MYO16: variants seen among roughly 807,000 people sequenced by gnomAD.
MYO16 encodes the protein myosin XVI, also known as unconventional myosin-XVI.
MYO16 carries 94 observed loss-of-function variants against 205.3 expected under a neutral mutation model. The ratio of observed to expected loss-of-function variants is 0.46; its 90% CI spans 0.39 to 0.54. The LOEUF (loss-of-function observed/expected upper bound fraction) is 0.54. Among genes scored for constraint, MYO16 ranks in the 20% least tolerant of loss-of-function variants. The pLI is 0.00. For missense variants in MYO16, 2,315 were observed against 2,387.5 expected (o/e 0.97, Z 0.63); for synonymous variants, 988 against 954.0 (o/e 1.04, Z -0.66).
intron 4 of MYO16, among the ~76,000 whole-genome samples, chr13:108,732,218 T>C (rs1019895227): frequency 1.3e-5 from 2 of 152,238 alleles, no homozygotes; most frequent in South Asian, 2.1e-4. Context: ...CTGTGCAGCA[T>C]TGATTCATTT....
At chr13:108,936,034 G>A (rs1018552058) in intron 16 of MYO16, among the ~76,000 whole-genome samples, 5 of 151,706 alleles carry the variant, frequency 3.3e-5, no homozygotes, top group African/African-American at 1.2e-4. Flanking sequence ...TGTTTTGCTA[G>A]TATTTCGTTG....
At chr13:108,886,816 TGGAGAACTCCTTTCG>T (rs909209401) in intron 13 of MYO16, among the ~76,000 whole-genome samples, 4 of 152,142 alleles carry the variant, frequency 2.6e-5, no homozygotes, top group Non-Finnish European at 5.9e-5. Flanking sequence ...TGAAGCAAGC[TGGAGAACTCCTTTCG>T]GTATCGCTAG....
chr13:108,949,555 GT>G (rs1166017581), intron 16 of MYO16, among the ~76,000 whole-genome samples: 1 of 152,042 alleles, frequency 6.6e-6, no homozygotes, highest in Non-Finnish European at 1.5e-5. Context: ...GACTTATAAT[GT>G]TCATTTATTG....
intron 32 of MYO16, among the ~76,000 whole-genome samples, chr13:109,143,220 T>C (rs1191383333): frequency 6.6e-6 from 1 of 152,132 alleles, no homozygotes; most frequent in Non-Finnish European, 1.5e-5. Context: ...GCGAAATTAC[T>C]TTAGGTACAA....
chr13:108,534,855 TTCC>T, the MYO16 span, among the ~76,000 whole-genome samples: 1 of 148,580 alleles, frequency 6.7e-6, no homozygotes, highest in Non-Finnish European at 1.5e-5. Flanking sequence ...CCTCATCCTC[TTCC>T]TCCTCCTTCT....
chr13:109,110,855 C>A (rs916687436), intron 28 of MYO16, among the ~76,000 whole-genome samples: 1 of 152,142 alleles, frequency 6.6e-6, no homozygotes, highest in Non-Finnish European at 1.5e-5. Flanking sequence ...CTTTACTGAG[C>A]TTGTTGAAAG....
chr13:108,537,336 C>T, the MYO16 span, among the ~76,000 whole-genome samples: 1 of 152,016 alleles, frequency 6.6e-6, no homozygotes, highest in Non-Finnish European at 1.5e-5. Context: ...GATTTTATTT[C>T]CTTTTTATGG....
intron 20 of MYO16, among the ~76,000 whole-genome samples, chr13:108,974,367 A>G (rs1006053268): frequency 5.9e-5 from 9 of 152,092 alleles, no homozygotes; most frequent in African/African-American, 2.2e-4. Context: ...TAATGTGGGA[A>G]TTCAGTGAAT....
chr13:108,499,983 G>C, the MYO16 span, among the ~76,000 whole-genome samples: 15 of 151,540 alleles, frequency 9.9e-5, no homozygotes, highest in Admixed American at 3.9e-4. Context: ...CCTCTGCTCC[G>C]GCGGGCCCTC....
At chr13:108,563,181 G>A in the MYO16 span, among the ~76,000 whole-genome samples, 1 of 152,076 alleles carries the variant, frequency 6.6e-6, no homozygotes, top group African/African-American at 2.4e-5. Context: ...AACAATATAA[G>A]TATTTTAAAA....
chr13:108,608,435 C>T (rs534413395), intron 1 of MYO16, among the ~76,000 whole-genome samples: 5 of 152,128 alleles, frequency 3.3e-5, no homozygotes, highest in South Asian at 4.1e-4. Flanking sequence ...GCTTTCTCAT[C>T]GGACCTAGCC....
chr13:108,724,879 G>A (rs12431104), intron 3 of MYO16, among the ~76,000 whole-genome samples: 37,393 of 139,264 alleles, frequency 0.27, 5,686 homozygotes, highest in African/African-American at 0.47. Flanking sequence ...TATATTTTAA[G>A]TATACTAAAT....
In MYO16 at chr13:108,695,231, T is replaced by C. The variant is rs533887601; in HGVS notation, c.293-17430T>C. ...TGAGGTAACATACCACCTTCATTATTTTGCATGTGGATATCCAGTTGTCCC... is the reference window on the plus strand; with the variant it reads ...TGAGGTAACATACCACCTTCATTATCTTGCATGTGGATATCCAGTTGTCCC... On this transcript the variant is annotated intron_variant, in intron 2 of 34. Coordinates refer to ENST00000457511, the MANE Select transcript of MYO16 (RefSeq NM_001198950.3). Among the ~76,000 whole-genome samples, 9 of 152,088 alleles carry C rather than the reference T, an allele frequency of 5.9e-5. 1 individual carries two copies. Among genetic ancestry groups the C allele is most frequent in the African/African-American group, 2.2e-4 (9 of 41,336 alleles).
chr13:108,655,219 C>T (rs1566531355), intron 1 of MYO16, among the ~76,000 whole-genome samples: 1 of 152,144 alleles, frequency 6.6e-6, no homozygotes, highest in Non-Finnish European at 1.5e-5. Flanking sequence ...TGGGCCAGGC[C>T]CAGGGTCCCT....
the MYO16 span, among the ~76,000 whole-genome samples, chr13:108,509,780 T>A: frequency 6.6e-6 from 1 of 152,176 alleles, no homozygotes; most frequent in Non-Finnish European, 1.5e-5. Flanking sequence ...ACATGTACCC[T>A]AAAACTTAAA....
chr13:108,581,810 A>C, the MYO16 span, among the ~76,000 whole-genome samples: 1 of 150,656 alleles, frequency 6.6e-6, no homozygotes, highest in Admixed American at 6.6e-5. Context: ...ACTTGAACCC[A>C]GGAGGTTGCA....
At chr13:108,690,235 C>T (rs565286931) in intron 2 of MYO16, among the ~76,000 whole-genome samples, 1 of 151,964 alleles carries the variant, frequency 6.6e-6, no homozygotes. Context: ...AACTGAACAG[C>T]CATCCTTTAT....
intron 1 of MYO16, among the ~76,000 whole-genome samples, chr13:108,652,996 C>T (rs1881079474): frequency 6.6e-6 from 1 of 152,208 alleles, no homozygotes; most frequent in Admixed American, 6.5e-5. Flanking sequence ...CACCACTTTA[C>T]AATCCCAACA....
chr13:108,510,414 G>A, the MYO16 span, among the ~76,000 whole-genome samples: 2 of 108,506 alleles, frequency 1.8e-5, no homozygotes, highest in African/African-American at 7.8e-5. Context: ...ACCATGCCCG[G>A]TAGATAGTTA....
Sources: allele counts gnomAD v4.1 joint callset (sites outside exome capture counted in the v4.1 genomes callset), GRCh38; gene constraint gnomAD v4.1.1; transcripts MANE v1.5; gene names NCBI Gene and HGNC (gene_info 2026-07-23, HGNC 2026-07-21).